The following TCF20 variants were observed in gnomAD, a reference collection of about 807,000 sequenced individuals.
The protein encoded by TCF20 is SPRE-binding protein.
A neutral mutation model predicts 148.6 loss-of-function variants in TCF20; 3 were observed. That is an observed-to-expected ratio of 0.02 (90% CI 0.01 to 0.05). TCF20 has a LOEUF of 0.05. Ranked by LOEUF, TCF20 falls within the 10% of genes least tolerant of loss-of-function variation. The pLI is 1.00. For synonymous variants in TCF20, 1,049 were observed against 909.5 expected, an observed-to-expected ratio of 1.15 and a Z score of -2.76; for missense variants, 2,350 against 2,429.3, an observed-to-expected ratio of 0.97 and a Z score of 0.69.
rs147601136 is a variant in TCF20 at position 42,174,434 on chromosome 22, C to T, written c.5750-4538G>A. Among the ~76,000 whole-genome samples the T allele has an allele frequency of 2.6e-3, 399 of 152,182 alleles. 2 individuals carry two copies. Among genetic ancestry groups the T allele is most frequent in the African/African-American group, 9.0e-3 (372 of 41,514 alleles). On this transcript the variant is annotated intron_variant, in intron 3 of 5. Transcript: ENST00000677622. ...AGGGGGGCCCTTGCTGAAGTGTGCT[C>T]GGGTGGGATGTGGCACCGGCCTGTC... is the stretch of plus-strand genomic sequence containing the variant.
At position 42,210,488 on chromosome 22, in the gene TCF20, T is replaced by C; in HGVS notation, c.4818A>G (p.Glu1606=). 1 of 1,613,822 alleles carries C rather than the reference T, an allele frequency of 6.2e-7. No individual in the cohort carries two copies. Among genetic ancestry groups the C allele is most frequent in the Non-Finnish European group, 8.5e-7 (1 of 1,179,962 alleles). The change falls in exon 2 of 6, where the codon GAA becomes GAG. Residue 1606 remains glutamate (E), a synonymous_variant. Coordinates refer to ENST00000677622, the MANE Select transcript of TCF20 (RefSeq NM_001378418.1). This position sits in a 1 kb window ranked among gnomAD's most constrained non-coding sequence, Gnocchi z 4.7. ...RKTKQAVPIV[E]PQEPEIKLKY... ...TTAGTTTGATCTCAGGTTCTTGGGG[T>C]TCCACAATGGGAACTGCTTGTTTGG...
At chr22:42,262,474 A>C (rs986448908) in intron 1 of TCF20, among the ~76,000 whole-genome samples, 4 of 152,124 alleles carry the variant, frequency 2.6e-5, no homozygotes, top group Non-Finnish European at 5.9e-5. Context: ...TGTGAGGAAT[A>C]AGTGTTCAGT....
At chr22:42,237,934 T>C (rs1439822825) in intron 1 of TCF20, among the ~76,000 whole-genome samples, 1 of 152,220 alleles carries the variant, frequency 6.6e-6, no homozygotes, top group Admixed American at 6.5e-5. Flanking sequence ...AGATTTAGCA[T>C]AAATTTATGG....
At position 42,215,228 on chromosome 22, in the gene TCF20, C is replaced by T. The variant is rs1301366406; in HGVS notation, c.78G>A (p.Arg26=). 1.9e-6 allele frequency: 3 copies of T among 1,614,104 alleles called. No individual in the cohort carries two copies. Among genetic ancestry groups the T allele is most frequent in the African/African-American group, 2.7e-5 (2 of 74,924 alleles). The change falls in exon 2 of 6, where the codon CGG becomes CGA. Residue 26 remains arginine, a synonymous_variant. Transcript: ENST00000677622. The stretch of plus-strand genomic sequence containing the variant: ...CCTGACGAGGGCTGAACTCTTCTAG[C>T]CGGGATGAGCCGTGTACCTCCTGTG... ...SYPQEVHGSS[R]LEEFSPRQAQ...
At chr22:42,174,079 T>C (rs534229388) in intron 3 of TCF20, among the ~76,000 whole-genome samples, 1 of 152,248 alleles carries the variant, frequency 6.6e-6, no homozygotes, top group African/African-American at 2.4e-5. Flanking sequence ...GGCACAAGCT[T>C]CCACTAGAGG....
chr22:42,242,284 G>C (rs921547276), intron 1 of TCF20, among the ~76,000 whole-genome samples: 19 of 150,332 alleles, frequency 1.3e-4, no homozygotes, highest in Admixed American at 1.2e-3. Flanking sequence ...TGGACTCTTA[G>C]AATGAGAAGG....
At chr22:42,262,672 T>C (rs1207557353) in intron 1 of TCF20, among the ~76,000 whole-genome samples, 2 of 151,530 alleles carry the variant, frequency 1.3e-5, no homozygotes, top group Non-Finnish European at 2.9e-5. Flanking sequence ...GTCTGGAGAA[T>C]GCCAATGGTC....
At chr22:42,175,470 A>C (rs1936394875) in intron 3 of TCF20, among the ~76,000 whole-genome samples, 1 of 152,150 alleles carries the variant, frequency 6.6e-6, no homozygotes, top group South Asian at 2.1e-4. Flanking sequence ...CCTCCCAAGT[A>C]GCTGGGACTA....
chr22:42,276,124 ACATGCTGAGG>A (rs1218940931), intron 1 of TCF20, among the ~76,000 whole-genome samples: 1 of 152,216 alleles, frequency 6.6e-6, no homozygotes, highest in Non-Finnish European at 1.5e-5. Flanking sequence ...AGGCAGTGCC[ACATGCTGAGG>A]CATGCTGGGA....
rs113216396 is a variant in TCF20, at chr22:42,334,279, C to G, written c.-37+9200G>C. 2.0e-3 allele frequency among the ~76,000 whole-genome samples: 301 copies of G among 152,294 alleles called. 1 individual carries two copies. The highest frequency in any genetic ancestry group is 0.01 in the Middle Eastern group (3 of 294). Reference sequence around the variant, plus strand: ...ACAACCTAGGGACAGGGCCCGGGGTCAGAATCATCATTGGCTCCATTTTAC... The same window carrying G: ...ACAACCTAGGGACAGGGCCCGGGGTGAGAATCATCATTGGCTCCATTTTAC... On this transcript the variant is annotated intron_variant, in intron 1 of 1. Coordinates refer to the TCF20 transcript ENST00000515426.
At chr22:42,283,916 C>T (rs1274145398) in exon 1 of TCF20, among the ~76,000 whole-genome samples, 1 of 151,978 alleles carries the variant, frequency 6.6e-6, no homozygotes, top group Non-Finnish European at 1.5e-5. Context: ...TGAGCCGAGG[C>T]GGGGGAGGAG....
intron 1 of TCF20, among the ~76,000 whole-genome samples, chr22:42,258,320 T>G (rs553307789): frequency 6.6e-6 from 1 of 152,162 alleles, no homozygotes; most frequent in South Asian, 2.1e-4. Context: ...CTCCTTACAT[T>G]CCTGCCCCAT....
chr22:42,193,405 C>T (rs1383843283), intron 2 of TCF20, among the ~76,000 whole-genome samples: 1 of 151,090 alleles, frequency 6.6e-6, no homozygotes, highest in African/African-American at 2.4e-5. Flanking sequence ...AATCAGAGCT[C>T]ACTGCAACCT....
At chr22:42,236,221 C>G (rs763385968) in intron 1 of TCF20, among the ~76,000 whole-genome samples, 4 of 151,644 alleles carry the variant, frequency 2.6e-5, no homozygotes, top group South Asian at 4.2e-4. Flanking sequence ...TAAAAGACAA[C>G]AAGGAAAAAA....
At chr22:42,186,505 TATTAA>T (rs146546591) in intron 2 of TCF20, among the ~76,000 whole-genome samples, 2,212 of 152,368 alleles carry the variant, frequency 0.015, 48 homozygotes, top group African/African-American at 0.05. Context: ...AAGTACAGTC[TATTAA>T]ATTAAGACAA....
chr22:42,282,637 G>A (rs911678783), intron 1 of TCF20, among the ~76,000 whole-genome samples: 1 of 152,246 alleles, frequency 6.6e-6, no homozygotes, highest in African/African-American at 2.4e-5. Context: ...AGAGACCTCA[G>A]GCTGCCCAGG....
intron 1 of TCF20, among the ~76,000 whole-genome samples, chr22:42,328,794 G>A (rs1220288851): frequency 6.6e-6 from 1 of 152,222 alleles, no homozygotes; most frequent in Non-Finnish European, 1.5e-5. Context: ...CTTTGCTAAA[G>A]CTTGCCCCAG....
intron 1 of TCF20, among the ~76,000 whole-genome samples, chr22:42,322,246 C>T (rs1361396972): frequency 1.3e-5 from 2 of 151,892 alleles, no homozygotes; most frequent in Admixed American, 6.6e-5. Context: ...TTACTGAAGG[C>T]TTGCTGTGCA....
chr22:42,252,174 C>T (rs934418260), intron 1 of TCF20, among the ~76,000 whole-genome samples: 8 of 151,180 alleles, frequency 5.3e-5, no homozygotes, highest in Non-Finnish European at 8.8e-5. Context: ...ATAATCCCAG[C>T]TACTTGGGAG....
Sources: gnomAD v4.1 joint callset for allele counts (sites outside exome capture counted in the v4.1 genomes callset) on GRCh38, gnomAD v4.1.1 for gene constraint, Gnocchi (gnomAD v3.1) non-coding constraint, MANE v1.5 for transcripts, NCBI Gene and HGNC (gene_info 2026-07-23, HGNC 2026-07-21) for gene names.